Variants in KCNN2 observed in about 807,000 individuals in gnomAD.
The protein encoded by KCNN2 is potassium calcium-activated channel subfamily N member 2, also known as small conductance calcium-activated potassium channel protein 2.
In KCNN2, 24 loss-of-function variants were observed where a neutral mutation model predicts 55.5. The observed-to-expected ratio is 0.43, with a 90% CI of 0.31 to 0.61. The LOEUF is 0.61. KCNN2 is among the 20% of genes least tolerant of loss of function. The probability of loss-of-function intolerance (pLI) is 0.08; values close to 1 mark genes in which losing one functional copy is unlikely to be tolerated. For synonymous variants in KCNN2, 431 were observed against 336.1 expected, an observed-to-expected ratio of 1.28 and a Z score of -3.09; for missense variants, 754 against 853.6, an observed-to-expected ratio of 0.88 and a Z score of 1.45.
chr5:114,429,503 A>G (rs1240015983), intron 3 of KCNN2, among the ~76,000 whole-genome samples: 2 of 151,622 alleles, frequency 1.3e-5, no homozygotes, highest in African/African-American at 4.8e-5. Flanking sequence ...CGGGTTGTTC[A>G]TTTTCTTATT....
At chr5:114,183,088 T>C (rs1753268921) in intron 1 of KCNN2, among the ~76,000 whole-genome samples, 1 of 152,136 alleles carries the variant, frequency 6.6e-6, no homozygotes, top group East Asian at 1.9e-4. Context: ...CATGAACAGA[T>C]GCTGAATTTG....
At chr5:114,177,595 T>C (rs1478283028) in intron 1 of KCNN2, among the ~76,000 whole-genome samples, 1 of 150,198 alleles carries the variant, frequency 6.7e-6, no homozygotes, top group African/African-American at 2.4e-5. Flanking sequence ...AAGTTAATTA[T>C]GAAATACACC....
At chr5:114,286,503 T>C (rs1173969721) in intron 2 of KCNN2, among the ~76,000 whole-genome samples, 1 of 152,096 alleles carries the variant, frequency 6.6e-6, no homozygotes, top group East Asian at 1.9e-4. Context: ...GAGGGGCAAG[T>C]ATGAAAATCT....
chr5:114,257,851 T>G (rs1346367257), intron 2 of KCNN2, among the ~76,000 whole-genome samples: 2 of 152,190 alleles, frequency 1.3e-5, no homozygotes, highest in African/African-American at 4.8e-5. Context: ...TGCTGCCTGA[T>G]TGCTCTGGCT....
chr5:114,220,312 A>T (rs1377330047), intron 1 of KCNN2, among the ~76,000 whole-genome samples: 1 of 152,150 alleles, frequency 6.6e-6, no homozygotes, highest in Non-Finnish European at 1.5e-5. Flanking sequence ...AATGCTGGAA[A>T]AAATATTTAA....
chr5:114,269,777 T>C (rs774177605), intron 2 of KCNN2, among the ~76,000 whole-genome samples: 1 of 152,162 alleles, frequency 6.6e-6, no homozygotes, highest in Non-Finnish European at 1.5e-5. Flanking sequence ...GCAAACTAAT[T>C]TGATTGTTTC....
intron 3 of KCNN2, among the ~76,000 whole-genome samples, chr5:114,449,843 T>C (rs1169869872): frequency 6.6e-6 from 1 of 151,368 alleles, no homozygotes; most frequent in African/African-American, 2.4e-5. Context: ...ATCTGCTACC[T>C]TAGATTGGAT....
chr5:114,128,687 G>A (rs1751988143), intron 1 of KCNN2, among the ~76,000 whole-genome samples: 1 of 152,116 alleles, frequency 6.6e-6, no homozygotes, highest in African/African-American at 2.4e-5. Context: ...TTTAGGGTCT[G>A]CCTGCTTTCC....
At chr5:114,192,883 T>C (rs1057270915) in intron 1 of KCNN2, among the ~76,000 whole-genome samples, 3 of 152,168 alleles carry the variant, frequency 2.0e-5, no homozygotes, top group African/African-American at 7.2e-5. Flanking sequence ...CTTCATGTCT[T>C]CTGTCTCAAT....
intron 1 of KCNN2, among the ~76,000 whole-genome samples, chr5:114,066,686 C>T (rs2974455): frequency 0.33 from 50,393 of 151,998 alleles, 8,962 homozygotes; most frequent in African/African-American, 0.46. Flanking sequence ...TTCAAGCGAT[C>T]CTGCTGCCTC....
intron 2 of KCNN2, among the ~76,000 whole-genome samples, chr5:114,308,775 CAGAT>C (rs1580711517): frequency 6.6e-6 from 1 of 152,118 alleles, no homozygotes. Flanking sequence ...GATGGATGGA[CAGAT>C]GGATGGATTA....
At chr5:114,129,527 C>T (rs946122935) in intron 1 of KCNN2, among the ~76,000 whole-genome samples, 5 of 152,174 alleles carry the variant, frequency 3.3e-5, no homozygotes, top group Admixed American at 1.3e-4. Flanking sequence ...AACCTTCTTC[C>T]ATCCTAATCA....
chr5:114,462,258 G>A (rs559257421), intron 3 of KCNN2, among the ~76,000 whole-genome samples: 1 of 152,184 alleles, frequency 6.6e-6, no homozygotes, highest in Non-Finnish European at 1.5e-5. Context: ...TAGGATACCT[G>A]TTTCTGATAT....
At chr5:114,215,570 C>T (rs778585587) in intron 1 of KCNN2, among the ~76,000 whole-genome samples, 2 of 152,022 alleles carry the variant, frequency 1.3e-5, no homozygotes, top group Non-Finnish European at 2.9e-5. Flanking sequence ...GGGTAGAACC[C>T]AAGACATAAA....
chr5:114,235,910 T>C (rs1754480955), intron 2 of KCNN2, among the ~76,000 whole-genome samples: 1 of 152,196 alleles, frequency 6.6e-6, no homozygotes, highest in African/African-American at 2.4e-5. Context: ...TGAAGATTAC[T>C]CAGCTGGTTG....
chr5:114,438,467 G>A (rs1014641324), intron 3 of KCNN2, among the ~76,000 whole-genome samples: 6 of 152,028 alleles, frequency 3.9e-5, no homozygotes, highest in African/African-American at 1.4e-4. Context: ...TGATCTTTTG[G>A]GGACAGGATA....
chr5:114,131,293 C>T lies in KCNN2; in HGVS notation c.-271+74793C>T, dbSNP rs1190683113. ...TGATGCTCTTCACCCCTGCCACCAA[C>T]GGGTCTCAGTGTGTGTTGTCCTCCT... On this transcript the variant is annotated intron_variant, in intron 1 of 10. Transcript: ENST00000512097. Among the ~76,000 whole-genome samples the T allele has an allele frequency of 4.6e-5, 7 of 152,250 alleles. No homozygotes were observed. The East Asian group carries it at 7.7e-4, about 17-fold the overall frequency.
intron 1 of KCNN2, among the ~76,000 whole-genome samples, chr5:114,116,356 A>G (rs896636119): frequency 6.6e-6 from 1 of 152,176 alleles, no homozygotes; most frequent in Admixed American, 6.5e-5. Context: ...CTAAAGTTAC[A>G]AGTCATTGTA....
chr5:114,393,609 T>C (rs1051417682), intron 2 of KCNN2, among the ~76,000 whole-genome samples: 4 of 152,112 alleles, frequency 2.6e-5, no homozygotes, highest in African/African-American at 9.7e-5. Context: ...TATTATATAA[T>C]TAAAAGTCTC....
Sources: gnomAD v4.1 joint callset for allele counts (sites outside exome capture counted in the v4.1 genomes callset) on GRCh38, gnomAD v4.1.1 for gene constraint, MANE v1.5 for transcripts, NCBI Gene and HGNC (gene_info 2026-07-23, HGNC 2026-07-21) for gene names.